CELF1: variants seen among roughly 807,000 people sequenced by gnomAD.
CELF1 encodes 50 kDa nuclear polyadenylated RNA-binding protein.
A neutral mutation model predicts 61.8 loss-of-function variants in CELF1; 10 were observed. The ratio of observed to expected loss-of-function variants is 0.16; its 90% CI spans 0.10 to 0.27. The LOEUF (loss-of-function observed/expected upper bound fraction) is 0.27, where lower values mean the gene tolerates loss of function less well. Among genes scored for constraint, CELF1 ranks in the 10% least tolerant of loss-of-function variants. The pLI, the probability that CELF1 is intolerant of heterozygous loss-of-function variation, is 1.00. For synonymous variants in CELF1, 236 were observed against 225.1 expected, an observed-to-expected ratio of 1.05 and a Z score of -0.43; for missense variants, 380 against 639.1, an observed-to-expected ratio of 0.59 and a Z score of 4.37.
intron 1 of CELF1, among the ~76,000 whole-genome samples, chr11:47,544,091 C>T (rs2096874577): frequency 6.6e-6 from 1 of 152,186 alleles, no homozygotes; most frequent in Admixed American, 6.5e-5. Context: ...TTTAGCACAG[C>T]ATTTCAGACA....
chr11:47,504,997 C>T (rs2094361878), intron 1 of CELF1, among the ~76,000 whole-genome samples: 1 of 151,082 alleles, frequency 6.6e-6, no homozygotes, highest in Non-Finnish European at 1.5e-5. Flanking sequence ...AGTTGCCTTG[C>T]CTGTAAAATT....
chr11:47,489,935 G>GTTTTTTTATTTTTTTTATTT (rs2090255781), intron 3 of CELF1, among the ~76,000 whole-genome samples: 2 of 48,224 alleles, frequency 4.1e-5, no homozygotes, highest in Non-Finnish European at 7.8e-5. Context: ...ATACCATCTT[G>GTTTTTTTATTTTTTTTATTT]TTTTTTTTTT....
chr11:47,537,096 G>A (rs1220504810), intron 1 of CELF1, among the ~76,000 whole-genome samples: 2 of 152,154 alleles, frequency 1.3e-5, no homozygotes, highest in Admixed American at 6.6e-5. Context: ...AGTGCAGACT[G>A]CCAGCAATAT....
chr11:47,513,276 A>C (rs1425994195), intron 1 of CELF1, among the ~76,000 whole-genome samples: 2 of 152,210 alleles, frequency 1.3e-5, no homozygotes, highest in African/African-American at 2.4e-5. Context: ...TCCACAGAAC[A>C]CCTGAATAAA....
At chr11:47,483,088 G>A (rs528254076) in intron 8 of CELF1, among the ~76,000 whole-genome samples, 31 of 145,384 alleles carry the variant, frequency 2.1e-4, no homozygotes, top group African/African-American at 7.0e-4. Context: ...ATGGCAAAAC[G>A]GTCGCTATTA....
At chr11:47,496,088 G>A in intron 3 of CELF1, 2 of 675,700 alleles carry the variant, frequency 3.0e-6, no homozygotes, top group Middle Eastern at 7.8e-4. Context: ...AAAGGGCCCA[G>A]AAACACTGGC....
intron 1 of CELF1, among the ~76,000 whole-genome samples, chr11:47,528,592 A>G (rs1050194457): frequency 1.3e-5 from 2 of 149,858 alleles, no homozygotes; most frequent in African/African-American, 4.9e-5. Context: ...GCACTCCAGC[A>G]TGGAAAAAAG....
In CELF1 at chr11:47,532,420, G is replaced by T. The variant is rs1016741609; in HGVS notation, c.-154+20572C>A. 4.6e-5 allele frequency among the ~76,000 whole-genome samples: 7 copies of T among 152,286 alleles called. No homozygotes were observed. The South Asian group carries it at 1.5e-3, about 32-fold the overall frequency. On this transcript the variant is annotated intron_variant, in intron 1 of 14. Transcript: ENST00000687097. ...TCTTCCCTTTGAACTCCAGTACAGG[G>T]GCTTTTGCCAATTAAACAAGTCACC...
In CELF1 at chr11:47,489,935, GTTTTTTT is replaced by G. The variant is rs561900704; in HGVS notation, c.72-918_72-912del. Among the ~76,000 whole-genome samples, 33 of 48,236 alleles carry G rather than the reference GTTTTTTT, an allele frequency of 6.8e-4. 1 individual carries two copies. Among genetic ancestry groups the G allele is most frequent in the African/African-American group, 2.1e-3 (27 of 12,860 alleles). 31.6% of individuals were successfully genotyped at this position (48,236 alleles called of 152,430 possible). A position where few individuals can be genotyped will look rare whatever the true frequency, so the allele number is the denominator to read the frequency against. On this transcript the variant is annotated intron_variant, in intron 3 of 14. Coordinates refer to ENST00000687097, the MANE Select transcript of CELF1 (RefSeq NM_001376376.1). ...GTTTCCACTCAGAACATACCATCTT[GTTTTTTT>G]TTTTTTTTTTTTTGAGACGGAATTT...
At chr11:47,499,868 C>T (rs2093679749) in intron 2 of CELF1, 2 of 202,556 alleles carry the variant, frequency 9.9e-6, no homozygotes, top group Admixed American at 5.9e-5. Context: ...ATAGCAGTGG[C>T]TAACAGAGCA....
At position 47,480,385 on chromosome 11, in the gene CELF1, C is replaced by A. The variant is rs1156936599; in HGVS notation, c.769-1433G>T. Among the ~76,000 whole-genome samples the A allele has an allele frequency of 4.6e-5, 7 of 152,200 alleles. No individual in the cohort carries two copies. In the East Asian group the frequency reaches 7.7e-4, roughly 17 times the overall value. On this transcript the variant is annotated intron_variant, in intron 9 of 14. Coordinates refer to ENST00000687097, the MANE Select transcript of CELF1 (RefSeq NM_001376376.1). Reference sequence around the variant, plus strand: ...TACAGGCATAAGCCACCGCGCCTGGCCTTTTTCTTCTTAAACACCTTGGGC... The same window carrying A: ...TACAGGCATAAGCCACCGCGCCTGGACTTTTTCTTCTTAAACACCTTGGGC...
intron 2 of CELF1, among the ~76,000 whole-genome samples, chr11:47,561,483 A>T (rs989479089): frequency 3.3e-5 from 5 of 151,080 alleles, no homozygotes; most frequent in African/African-American, 1.2e-4. Flanking sequence ...CCACAAAGAG[A>T]CACCACACCC....
intron 9 of CELF1, among the ~76,000 whole-genome samples, chr11:47,479,287 T>C (rs116183508): frequency 4.6e-4 from 70 of 152,350 alleles, no homozygotes; most frequent in African/African-American, 1.6e-3. Flanking sequence ...ACTGTGATTA[T>C]TGTCTGCGAA....
chr11:47,514,374 A>C (rs186485627), intron 1 of CELF1, among the ~76,000 whole-genome samples: 2 of 152,270 alleles, frequency 1.3e-5, no homozygotes, highest in African/African-American at 2.4e-5. Flanking sequence ...TGACTCTGCC[A>C]ATAGCATCCT....
At chr11:47,479,438 T>A (rs12293321) in intron 9 of CELF1, among the ~76,000 whole-genome samples, 3,168 of 152,326 alleles carry the variant, frequency 0.021, 100 homozygotes, top group African/African-American at 0.071. Context: ...AAACATTTCA[T>A]AGTATTTCTT....
intron 9 of CELF1, among the ~76,000 whole-genome samples, chr11:47,480,405 T>C (rs1774363657): frequency 1.3e-5 from 2 of 152,162 alleles, no homozygotes; most frequent in South Asian, 4.1e-4. Context: ...CTTAAACACC[T>C]TGGGCTATGT....
At chr11:47,506,998 T>C (rs971906789) in intron 1 of CELF1, 5 of 152,210 alleles carry the variant, frequency 3.3e-5, no homozygotes, top group African/African-American at 1.2e-4. Context: ...TCTGTCACCA[T>C]GGCAGAAGAT....
At chr11:47,553,208 A>T (rs527627233), upstream of CELF1, 4 of 387,616 alleles carry the variant, frequency 1.0e-5, no homozygotes, top group African/African-American at 6.2e-5. Flanking sequence ...GCGAGGGGGA[A>T]CGTATCACCG....
Position 47,531,773 on chromosome 11 carries a change from A to G in CELF1, c.-154+21219T>C, listed in dbSNP as rs1350771203. ...CTGTTTTGATATTCTTTAGCTCAAA[A>G]TCATCTCCTCTCGTTAAGCACATTG... On this transcript the variant is annotated intron_variant, in intron 1 of 14. Transcript: ENST00000687097. Among the ~76,000 whole-genome samples the G allele has an allele frequency of 2.6e-5, 4 of 152,170 alleles. No individual in the cohort carries two copies. The East Asian group carries it at 7.7e-4, about 29-fold the overall frequency.
Sources: allele counts gnomAD v4.1 joint callset (sites outside exome capture counted in the v4.1 genomes callset), GRCh38; gene constraint gnomAD v4.1.1; transcripts MANE v1.5; gene names NCBI Gene and HGNC (gene_info 2026-07-23, HGNC 2026-07-21).